The following ITGAL variants were observed in gnomAD, a reference collection of about 807,000 sequenced individuals.
The protein encoded by ITGAL is integrin alpha-L.
In ITGAL, 68 loss-of-function variants were observed where a neutral mutation model predicts 138.4. The observed-to-expected ratio is 0.49, with a 90% CI of 0.40 to 0.60. The LOEUF (loss-of-function observed/expected upper bound fraction) is 0.60, where lower values mean the gene tolerates loss of function less well. ITGAL is among the 20% of genes least tolerant of loss of function. The pLI is 0.00. For synonymous variants in ITGAL, 561 were observed against 584.3 expected, an observed-to-expected ratio of 0.96 and a Z score of 0.57; for missense variants, 1,256 against 1,478.6, an observed-to-expected ratio of 0.85 and a Z score of 2.47.
chr16:30,518,274 C>G (rs1044433862), intron 28 of ITGAL, among the ~76,000 whole-genome samples: 1 of 151,916 alleles, frequency 6.6e-6, no homozygotes, highest in Non-Finnish European at 1.5e-5. Flanking sequence ...ATGGTGAAAC[C>G]CTGTCTGTAC....
chr16:30,502,125 C>T (rs142093199), intron 17 of ITGAL, among the ~76,000 whole-genome samples: 1,576 of 152,254 alleles, frequency 0.01, 18 homozygotes, highest in African/African-American at 0.028. Flanking sequence ...TGGCCGGGCG[C>T]GGTGGCTCAC....
At position 30,510,465 on chromosome 16, in the gene ITGAL, C is replaced by T. The variant is rs758999366; in HGVS notation, c.2613C>T (p.Gly871=). ...CNVSSPIFKA[G]HSVALQMMFN... The stretch of plus-strand genomic sequence containing the variant: ...TGAGCTCTCCCATCTTCAAAGCAGG[C>T]CACTCGGTGAGTGCTTCAAGTCTCC... The change falls in exon 22 of 31, where the codon GGC becomes GGT. Residue 871 remains glycine, a synonymous_variant. Coordinates refer to ENST00000356798, the MANE Select transcript of ITGAL (RefSeq NM_002209.3). The T allele has an allele frequency of 6.3e-7, 1 of 1,590,410 alleles. No homozygotes were observed. Among genetic ancestry groups the T allele is most frequent in the Non-Finnish European group, 8.6e-7 (1 of 1,158,330 alleles).
At position 30,513,845 on chromosome 16, in the gene ITGAL, A is replaced by G. The variant is rs761975435; in HGVS notation, c.2861A>G (p.Gln954Arg). ...PKIHQVKHMY[Q>R]VRIQPSIHDH... ...ATCCACCAAGTCAAGCACATGTACC[A>G]GGTATGAATCCCAATGTGGAAGGTC... Residue 954 changes from glutamine (Q) to arginine (R), a missense_variant and splice_region_variant, in exon 25 of 31, where the codon CAG becomes CGG. Physicochemically the swap from Gln to Arg is conservative, Grantham distance 43 (BLOSUM62 1). Around this residue, in one of 3 missense-constraint regions of ITGAL, gnomAD observed 867 missense variants for 972.5 expected, o/e 0.89. Coordinates refer to ENST00000356798, the MANE Select transcript of ITGAL (RefSeq NM_002209.3). 1.4e-5 allele frequency: 22 copies of G among 1,605,970 alleles called. No individual in the cohort carries two copies. The highest frequency in any genetic ancestry group is 1.7e-5 in the Admixed American group (1 of 59,958).
chr16:30,494,559 C>A lies in ITGAL; in HGVS notation c.1366-154C>A, dbSNP rs1425048264. 1.3e-5 allele frequency among the ~76,000 whole-genome samples: 2 copies of A among 152,180 alleles called. No homozygotes were observed. Among genetic ancestry groups the A allele is most frequent in the African/African-American group, 4.8e-5 (2 of 41,458 alleles). The stretch of plus-strand genomic sequence containing the variant: ...GTTTAAGAAACTGAACCTCAAAGAG[C>A]CCACCTTGTCTTAACGCACATAGAC... On this transcript the variant is annotated intron_variant, in intron 12 of 30. Transcript: ENST00000356798. This position sits in a 1 kb window ranked among gnomAD's most constrained non-coding sequence, Gnocchi z 4.2.
intron 13 of ITGAL, among the ~76,000 whole-genome samples, chr16:30,495,478 T>C (rs1298619010): frequency 6.6e-6 from 1 of 152,122 alleles, no homozygotes. Context: ...AAACTTTTTA[T>C]AGATATGACC....
intron 6 of ITGAL, 43 bp downstream of exon 6, chr16:30,479,504 C>T: frequency 1.3e-6 from 2 of 1,583,872 alleles, no homozygotes; most frequent in Non-Finnish European, 1.7e-6. Context: ...GCAATAGATG[C>T]CTACCTGAAC....
intron 4 of ITGAL, among the ~76,000 whole-genome samples, chr16:30,477,900 A>G (rs1199830857): frequency 6.6e-6 from 1 of 151,450 alleles, no homozygotes; most frequent in Non-Finnish European, 1.5e-5. Flanking sequence ...GAAAGCAAGG[A>G]AAGAAAGCAA....
At position 30,523,105 on chromosome 16, in the gene ITGAL, AACC is replaced by A. The variant is rs2051278066; in HGVS notation, c.*1443_*1445del. ...ACAGAAAGACTGAGCTCAAGGTGGG[AACC>A]ACGTCTGCTAACTTGGAGCCCCAGT... On this transcript the variant is annotated 3_prime_UTR_variant, in exon 31 of 31. Transcript: ENST00000356798. 1 of 152,370 alleles carries A rather than the reference AACC, an allele frequency of 6.6e-6. No homozygotes were observed. The highest frequency in any genetic ancestry group is 2.1e-4 in the South Asian group (1 of 4,840). The allele number at this position is 152,370 out of a possible 1,614,324, so 9.4% of individuals were successfully genotyped here. A position where few individuals can be genotyped will look rare whatever the true frequency, so the allele number is the denominator to read the frequency against.
At chr16:30,507,989 A>C (rs968411841) in intron 21 of ITGAL, among the ~76,000 whole-genome samples, 4 of 151,558 alleles carry the variant, frequency 2.6e-5, no homozygotes, top group Admixed American at 2.6e-4. Context: ...GCTCACTGCA[A>C]ACTCCACCTC....
intron 21 of ITGAL, among the ~76,000 whole-genome samples, chr16:30,509,925 G>A (rs1327033410): frequency 6.6e-6 from 1 of 151,946 alleles, no homozygotes; most frequent in Non-Finnish European, 1.5e-5. Flanking sequence ...TGTAGTCCCA[G>A]CTACTCGGGA....
In ITGAL at chr16:30,494,028, A is replaced by T. The variant is rs1291758448; in HGVS notation, c.1214-184A>T. Among the ~76,000 whole-genome samples the T allele has an allele frequency of 1.3e-5, 2 of 152,198 alleles. No homozygotes were observed. Among genetic ancestry groups the T allele is most frequent in the Non-Finnish European group, 2.9e-5 (2 of 68,026 alleles). Reference sequence around the variant, plus strand: ...TGTCACCCACAGTTGAAGACATGCCATCCCCAAGATGGCAGGATTTGTTTG... The same window carrying T: ...TGTCACCCACAGTTGAAGACATGCCTTCCCCAAGATGGCAGGATTTGTTTG... On this transcript the variant is annotated intron_variant, in intron 11 of 30. Transcript: ENST00000356798. This position sits in a 1 kb window ranked among gnomAD's most constrained non-coding sequence, Gnocchi z 4.2.
chr16:30,517,712 G>T lies in ITGAL; in HGVS notation c.3033+7G>T, dbSNP rs775297713. On this transcript the variant is annotated splice_region_variant and intron_variant, in intron 27 of 30. Coordinates refer to ENST00000356798, the MANE Select transcript of ITGAL (RefSeq NM_002209.3). ...GCTCCCGGATGCAGCTGAGGTATGG[G>T]CGTGTGAGCTGAGAGACGGTGGGGC... 2.2e-5 allele frequency: 35 copies of T among 1,613,992 alleles called. No individual in the cohort carries two copies. The highest frequency in any genetic ancestry group is 3.0e-5 in the Non-Finnish European group (35 of 1,179,836).
chr16:30,498,882 C>A (rs542353343), intron 15 of ITGAL, 192 bp from the exon 16 acceptor site: 9 of 564,740 alleles, frequency 1.6e-5, no homozygotes, highest in African/African-American at 1.5e-4. Context: ...GCCTGGGCAA[C>A]AGGGTGAGAC....
At position 30,484,176 on chromosome 16, in the gene ITGAL, G is replaced by A. The variant is rs202150477; in HGVS notation, c.919G>A (p.Ala307Thr). Residue 307 changes from alanine (A) to threonine (T), a missense_variant, in exon 9 of 31, where the codon GCG becomes ACG. By Grantham distance (58) the Ala-to-Thr change is moderately conservative. This residue lies in a region of ITGAL where 177 missense variants were observed against 288.8 expected (regional missense o/e 0.61). Transcript: ENST00000356798. ...CCTCCACAAATTTGCATCAAAACCC[G>A]CGAGCGAGTTTGTGAAAATTCTGGA... ...ETLHKFASKP[A>T]SEFVKILDTF... is the part of the protein sequence containing the mutation. The A allele has an allele frequency of 9.2e-5, 149 of 1,613,986 alleles. No individual in the cohort carries two copies. The highest frequency in any genetic ancestry group is 5.6e-4 in the East Asian group (25 of 44,902).
intron 11 of ITGAL, among the ~76,000 whole-genome samples, chr16:30,489,789 A>C (rs1209612456): frequency 2.6e-5 from 4 of 152,092 alleles, no homozygotes; most frequent in Non-Finnish European, 4.4e-5. Flanking sequence ...TACAAAAGTT[A>C]GCCAGGCATG....
intron 17 of ITGAL, among the ~76,000 whole-genome samples, chr16:30,499,712 T>TATATGTGTATATATATATAC (rs1226341333): frequency 2.3e-5 from 1 of 43,830 alleles, no homozygotes; most frequent in South Asian, 1.1e-3. Context: ...TATATATATA[T>TATATGTGTATATATATATAC]GTATATATAT....
At position 30,474,290 on chromosome 16, in the gene ITGAL, C is replaced by T; in HGVS notation, c.156C>T (p.Val52=). 3 of 1,603,350 alleles carry T rather than the reference C, an allele frequency of 1.9e-6. No individual in the cohort carries two copies. Among genetic ancestry groups the T allele is most frequent in the South Asian group, 2.2e-5 (2 of 89,736 alleles). ...GRHFGYRVLQ[V]GNGVIVGAPG... is the part of the protein sequence containing the mutation. ...ACTTTGGATACCGCGTCCTGCAGGT[C>T]GGAAACGGGTGAGCTGTGCCCCACA... The change falls in exon 2 of 31, where the codon GTC becomes GTT. Residue 52 remains valine, a synonymous_variant. Coordinates refer to ENST00000356798, the MANE Select transcript of ITGAL (RefSeq NM_002209.3).
At position 30,494,856 on chromosome 16, in the gene ITGAL, G is replaced by T; in HGVS notation, c.1503+6G>T. The T allele has an allele frequency of 6.3e-7, 1 of 1,586,788 alleles. No homozygotes were observed. Among genetic ancestry groups the T allele is most frequent in the Non-Finnish European group, 8.6e-7 (1 of 1,161,380 alleles). On this transcript the variant is annotated splice_donor_region_variant and intron_variant, in intron 13 of 30. Coordinates refer to ENST00000356798, the MANE Select transcript of ITGAL (RefSeq NM_002209.3). The surrounding 1 kb of genome is among the most constrained non-coding windows in gnomAD (Gnocchi z 4.2). The stretch of plus-strand genomic sequence containing the variant: ...TTATCTACCAGAGAAGACAGGTGGG[G>T]CCAGGATCTGGAGCTGAGAGGGAGG...
At chr16:30,481,371 G>GCCT in intron 6 of ITGAL, 68 bp from the exon 7 acceptor site, 1 of 706,782 alleles carries the variant, frequency 1.4e-6, no homozygotes, top group Non-Finnish European at 2.2e-6. Flanking sequence ...AAAAAAAGAA[G>GCCT]TAGAGTTTGG....
Sources: gnomAD v4.1 joint callset for allele counts (sites outside exome capture counted in the v4.1 genomes callset) on GRCh38, gnomAD v4.1.1 for gene constraint, gnomAD v4.1.1 regional missense constraint, Gnocchi (gnomAD v3.1) non-coding constraint, MANE v1.5 for transcripts, NCBI Gene and HGNC (gene_info 2026-07-23, HGNC 2026-07-21) for gene names.